Variants in NRP1 observed in about 807,000 individuals in gnomAD.
The protein encoded by NRP1 is neuropilin-1.
A neutral mutation model predicts 106.7 loss-of-function variants in NRP1; 35 were observed. The observed-to-expected ratio is 0.33, with a 90% CI of 0.25 to 0.43. NRP1 has a LOEUF of 0.43. Among genes scored for constraint, NRP1 ranks in the 20% least tolerant of loss-of-function variants. The pLI is 1.00. For synonymous variants in NRP1, 437 were observed against 417.9 expected (o/e 1.05, Z -0.56); for missense variants, 1,024 against 1,170.4 (o/e 0.87, Z 1.83).
intron 2 of NRP1, among the ~76,000 whole-genome samples, chr10:33,299,349 G>C (rs1332635048): frequency 6.6e-6 from 1 of 152,160 alleles, no homozygotes; most frequent in South Asian, 2.1e-4. Context: ...TTTTGGGTCA[G>C]ACACCAGCTG....
chr10:33,271,001 GA>G (rs889558196), intron 2 of NRP1, 145 bp from the exon 3 acceptor site: 26 of 589,328 alleles, frequency 4.4e-5, no homozygotes, highest in South Asian at 1.3e-4. Context: ...TAAATGGAGG[GA>G]AAAAAAAGTC....
intron 6 of NRP1, among the ~76,000 whole-genome samples, chr10:33,230,772 G>A (rs995438855): frequency 3.9e-5 from 6 of 151,920 alleles, no homozygotes; most frequent in Non-Finnish European, 1.5e-5. Context: ...CTATTTCTTT[G>A]GTTTTTCATT....
intron 2 of NRP1, among the ~76,000 whole-genome samples, chr10:33,278,477 C>T (rs559523439): frequency 6.6e-6 from 1 of 152,256 alleles, no homozygotes; most frequent in Admixed American, 6.5e-5. Context: ...GCTAAACCCT[C>T]TCTCCTGCAA....
At chr10:33,325,177 C>A (rs1004172520) in intron 2 of NRP1, among the ~76,000 whole-genome samples, 2 of 152,082 alleles carry the variant, frequency 1.3e-5, no homozygotes, top group Non-Finnish European at 2.9e-5. Context: ...ATATATTATA[C>A]TTTACTAAAG....
chr10:33,205,074 G>A (rs1232674487), intron 10 of NRP1, among the ~76,000 whole-genome samples: 1 of 152,162 alleles, frequency 6.6e-6, no homozygotes, highest in East Asian at 1.9e-4. Context: ...GCACAAAATA[G>A]GACAGACACT....
At chr10:33,272,451 T>C (rs1228819360) in intron 2 of NRP1, among the ~76,000 whole-genome samples, 1 of 151,968 alleles carries the variant, frequency 6.6e-6, no homozygotes, top group Non-Finnish European at 1.5e-5. Context: ...CTCCATACTT[T>C]GGGAAATGCT....
At chr10:33,220,044 C>T (rs868045170) in intron 8 of NRP1, among the ~76,000 whole-genome samples, 24 of 152,218 alleles carry the variant, frequency 1.6e-4, no homozygotes, top group African/African-American at 5.5e-4. Flanking sequence ...CCACCCAATT[C>T]CTGCCTCTAA....
At chr10:33,308,111 AC>A (rs1345945468) in intron 2 of NRP1, among the ~76,000 whole-genome samples, 3 of 152,194 alleles carry the variant, frequency 2.0e-5, no homozygotes, top group Non-Finnish European at 2.9e-5. Context: ...GAACTAGTGC[AC>A]GAACAGAAAA....
At chr10:33,259,437 G>A (rs903687182) in intron 4 of NRP1, among the ~76,000 whole-genome samples, 1 of 152,176 alleles carries the variant, frequency 6.6e-6, no homozygotes, top group African/African-American at 2.4e-5. Context: ...AGTGGATGAA[G>A]TACTCTTATC....
At chr10:33,257,178 CT>C (rs1842254748) in intron 4 of NRP1, among the ~76,000 whole-genome samples, 1 of 152,166 alleles carries the variant, frequency 6.6e-6, no homozygotes, top group South Asian at 2.1e-4. Flanking sequence ...AAAAATGCAT[CT>C]GTCTGACTTC....
In NRP1 at chr10:33,256,326, A is replaced by G; in HGVS notation, c.804T>C (p.Ser268=). The G allele has an allele frequency of 1.2e-6, 2 of 1,614,160 alleles. No individual in the cohort carries two copies. Among genetic ancestry groups the G allele is most frequent in the Non-Finnish European group, 1.7e-6 (2 of 1,180,002 alleles). ...FSANYSVLQS[S]VSEDFKCMEA... ...TGAATAAACACTGACCTTCTGAGAC[A>G]CTGCTCTGCAAGACACTGTAGTTTG... is the stretch of plus-strand genomic sequence containing the variant. The change falls in exon 5 of 17, where the codon AGT becomes AGC. Residue 268 remains serine (S), a synonymous_variant. Coordinates refer to ENST00000374867, the MANE Select transcript of NRP1 (RefSeq NM_003873.7).
At chr10:33,294,767 C>G (rs892457639) in intron 2 of NRP1, among the ~76,000 whole-genome samples, 1 of 152,110 alleles carries the variant, frequency 6.6e-6, no homozygotes, top group Non-Finnish European at 1.5e-5. Flanking sequence ...CGTAAGGGAA[C>G]CTGGGACAGA....
At chr10:33,322,800 G>T (rs1405859089) in intron 2 of NRP1, among the ~76,000 whole-genome samples, 1 of 152,128 alleles carries the variant, frequency 6.6e-6, no homozygotes, top group African/African-American at 2.4e-5. Context: ...AGAATTAGTT[G>T]GTTTATACTT....
rs947494250 is a variant in NRP1, at chr10:33,332,847, A to AT, written c.73+1462dup. On this transcript the variant is annotated intron_variant, in intron 1 of 16. Coordinates refer to ENST00000374867, the MANE Select transcript of NRP1 (RefSeq NM_003873.7). ...CAACAACTAAAGCCAGATTTTCAGC[A>AT]TTCCCCAGATTTCTGCTAAGAAAAC... 1.7e-4 allele frequency among the ~76,000 whole-genome samples: 25 copies of AT among 151,288 alleles called. No homozygotes were observed. The South Asian group carries it at 3.6e-3, about 22-fold the overall frequency.
chr10:33,321,525 T>C (rs1588992202), intron 2 of NRP1, among the ~76,000 whole-genome samples: 2 of 152,344 alleles, frequency 1.3e-5, no homozygotes, highest in African/African-American at 4.8e-5. Flanking sequence ...CTTGTGTCTG[T>C]TTTTTAATCT....
chr10:33,259,393 C>G (rs1463316050), intron 4 of NRP1, among the ~76,000 whole-genome samples: 1 of 152,138 alleles, frequency 6.6e-6, no homozygotes, highest in Non-Finnish European at 1.5e-5. Context: ...GAGACCTTAG[C>G]CTAGCAAGCT....
At chr10:33,303,542 C>T (rs914371714) in intron 2 of NRP1, among the ~76,000 whole-genome samples, 2 of 152,274 alleles carry the variant, frequency 1.3e-5, no homozygotes, top group East Asian at 3.9e-4. Context: ...TACTTTATTT[C>T]ATTTCTAATT....
Position 33,256,491 on chromosome 10 carries a change from G to A in NRP1, c.659-20C>T, listed in dbSNP as rs371459438. On this transcript the variant is annotated intron_variant, in intron 4 of 16. Transcript: ENST00000374867. ...GGCCAACTGGAAAGGGAGGAATACA[G>A]ACGATGTCAAAATGTCTTTTCTCCT... is the stretch of plus-strand genomic sequence containing the variant. The A allele has an allele frequency of 1.1e-5, 17 of 1,609,252 alleles. No individual in the cohort carries two copies. The highest frequency in any genetic ancestry group is 1.4e-5 in the Non-Finnish European group (17 of 1,176,012).
At chr10:33,300,749 T>C (rs1422542898) in intron 2 of NRP1, among the ~76,000 whole-genome samples, 1 of 152,212 alleles carries the variant, frequency 6.6e-6, no homozygotes, top group Non-Finnish European at 1.5e-5. Flanking sequence ...GTCTCTTATC[T>C]ACCTTTGACC....
Sources: allele counts gnomAD v4.1 joint callset (sites outside exome capture counted in the v4.1 genomes callset), GRCh38; gene constraint gnomAD v4.1.1; transcripts MANE v1.5; gene names NCBI Gene and HGNC (gene_info 2026-07-23, HGNC 2026-07-21).